The following PDLIM5 variants were observed in gnomAD, a reference collection of about 807,000 sequenced individuals.
PDLIM5 encodes PDZ and LIM domain 5.
PDLIM5 carries 34 observed loss-of-function variants against 64.2 expected under a neutral mutation model. The ratio of observed to expected loss-of-function variants is 0.53; its 90% confidence interval spans 0.40 to 0.71. PDLIM5 has a LOEUF of 0.71. Ranked by LOEUF, PDLIM5 falls within the 30% of genes least tolerant of loss-of-function variation. PDLIM5 has a pLI of 0.00. For missense variants in PDLIM5, 683 were observed against 733.6 expected (o/e 0.93, Z 0.80); for synonymous variants, 253 against 269.1 (o/e 0.94, Z 0.59).
intron 7 of PDLIM5, among the ~76,000 whole-genome samples, chr4:94,599,935 A>G (rs66542996): frequency 0.22 from 32,745 of 152,172 alleles, 4,501 homozygotes; most frequent in Non-Finnish European, 0.32. Flanking sequence ...TAAAGAAGGT[A>G]TAGTAAAACA....
chr4:94,567,904 A>C (rs764608885), intron 3 of PDLIM5, among the ~76,000 whole-genome samples: 1 of 152,214 alleles, frequency 6.6e-6, no homozygotes, highest in African/African-American at 2.4e-5. Context: ...ATGGAAGTTC[A>C]GATGGATCAC....
chr4:94,647,618 A>G (rs1271077855), intron 9 of PDLIM5, among the ~76,000 whole-genome samples: 5 of 152,200 alleles, frequency 3.3e-5, no homozygotes, highest in African/African-American at 9.6e-5. Context: ...AAAAAGAACT[A>G]GAAAACTTGA....
intron 3 of PDLIM5, among the ~76,000 whole-genome samples, chr4:94,571,703 A>G (rs1468797465): frequency 6.6e-6 from 1 of 152,196 alleles, no homozygotes; most frequent in Non-Finnish European, 1.5e-5. Flanking sequence ...GTTTTTATGT[A>G]ATCTATGACA....
rs1743033677 is a variant in PDLIM5, at chr4:94,665,501, A to G, written c.*1434A>G. ...GCTCTTAAAAAAAAAAAAAAAAAAA[A>G]AAAAAGAGAGAGAGAGAATAAATAG... On this transcript the variant is annotated 3_prime_UTR_variant, in exon 13 of 13. Coordinates refer to ENST00000317968, the MANE Select transcript of PDLIM5 (RefSeq NM_006457.5). 2.5e-6 allele frequency: 2 copies of G among 789,038 alleles called. No individual in the cohort carries two copies. Among genetic ancestry groups the G allele is most frequent in the South Asian group, 5.3e-5 (1 of 18,850 alleles). 48.9% of individuals were successfully genotyped at this position (789,038 alleles called of 1,614,324 possible).
At chr4:94,586,993 A>G (rs1403884374) in intron 7 of PDLIM5, 15 of 1,587,482 alleles carry the variant, frequency 9.4e-6, no homozygotes, top group Non-Finnish European at 1.3e-5. Context: ...CCACAGGGAA[A>G]AGATACCCCT....
At chr4:94,548,866 C>A (rs567626090) in intron 3 of PDLIM5, among the ~76,000 whole-genome samples, 2 of 152,176 alleles carry the variant, frequency 1.3e-5, no homozygotes, top group East Asian at 1.9e-4. Context: ...GTCTCAATTT[C>A]TTCCTTATAT....
chr4:94,456,902 T>C, intron 2 of PDLIM5: 5 of 1,048,938 alleles, frequency 4.8e-6, no homozygotes, highest in Non-Finnish European at 5.8e-6. Context: ...ATTCCCATTG[T>C]ATATAACTGT....
At chr4:94,592,924 T>C in intron 7 of PDLIM5, among the ~76,000 whole-genome samples, 1 of 152,128 alleles carries the variant, frequency 6.6e-6, no homozygotes, top group East Asian at 1.9e-4. Context: ...GATTTTCTTA[T>C]TCCTTCCCAC....
chr4:94,454,237 A>G (rs1723121161), intron 1 of PDLIM5, among the ~76,000 whole-genome samples: 1 of 151,582 alleles, frequency 6.6e-6, no homozygotes, highest in African/African-American at 2.4e-5. Flanking sequence ...AAAGAGAGAG[A>G]ATTATTGTTT....
chr4:94,499,727 C>T (rs1727741327), intron 2 of PDLIM5, among the ~76,000 whole-genome samples: 1 of 152,162 alleles, frequency 6.6e-6, no homozygotes, highest in African/African-American at 2.4e-5. Flanking sequence ...AGGTGAGTGG[C>T]AGGTGAGTGA....
intron 8 of PDLIM5, among the ~76,000 whole-genome samples, chr4:94,632,727 A>G (rs1740254545): frequency 1.3e-5 from 2 of 152,214 alleles, no homozygotes; most frequent in East Asian, 1.9e-4. Context: ...TCAAAAGTGG[A>G]AGAGCAGGGA....
chr4:94,625,977 A>G lies in PDLIM5; in HGVS notation c.1108+7786A>G, dbSNP rs112148210. On this transcript the variant is annotated intron_variant, in intron 8 of 12. Coordinates refer to ENST00000317968, the MANE Select transcript of PDLIM5 (RefSeq NM_006457.5). ...AAAGTTTATGATTCTTTTTTAGAATATAAGTTGTTTTGTGTTTTGAAGAAG... is the reference window on the plus strand; with the variant it reads ...AAAGTTTATGATTCTTTTTTAGAATGTAAGTTGTTTTGTGTTTTGAAGAAG... 1.5e-3 allele frequency among the ~76,000 whole-genome samples: 225 copies of G among 152,338 alleles called. 2 individuals are homozygous for G. Among genetic ancestry groups the G allele is most frequent in the Non-Finnish European group, 1.4e-3 (96 of 68,028 alleles).
chr4:94,634,380 GCT>G (rs1740394005), intron 8 of PDLIM5, among the ~76,000 whole-genome samples: 1 of 152,060 alleles, frequency 6.6e-6, no homozygotes, highest in South Asian at 2.1e-4. Flanking sequence ...CACCAAACTT[GCT>G]CTCCTGCTGA....
intron 5 of PDLIM5, 119 bp downstream of exon 5, chr4:94,576,153 A>C (rs748579424): frequency 4.2e-5 from 33 of 787,314 alleles, no homozygotes; most frequent in Non-Finnish European, 6.6e-5. Context: ...GAGATGAAGT[A>C]TTATTTGCCT....
chr4:94,647,565 C>G lies in PDLIM5; in HGVS notation c.1284-6895C>G, dbSNP rs1741514315. Among the ~76,000 whole-genome samples the G allele has an allele frequency of 2.0e-5, 3 of 152,186 alleles. No homozygotes were observed. The Middle Eastern group carries it at 0.01, about 521-fold the overall frequency. On this transcript the variant is annotated intron_variant, in intron 9 of 12. Transcript: ENST00000317968. The stretch of plus-strand genomic sequence containing the variant: ...AATAATAGTTGGAAACTTCAACACT[C>G]CATATTAATTAATAGATATAATTGA...
rs548620255 is a variant in PDLIM5 at position 94,502,710 on chromosome 4, C to G, written c.97-21014C>G. Among the ~76,000 whole-genome samples the G allele has an allele frequency of 1.6e-4, 25 of 152,132 alleles. No individual in the cohort carries two copies. The East Asian group carries it at 4.1e-3, about 25-fold the overall frequency. On this transcript the variant is annotated intron_variant, in intron 2 of 12. Coordinates refer to ENST00000317968, the MANE Select transcript of PDLIM5 (RefSeq NM_006457.5). The stretch of plus-strand genomic sequence containing the variant: ...TGACCAGCATGGTGAAACCCCATCT[C>G]TACTAAAAATACAAAAATTAGCCGG...
chr4:94,460,386 A>C (rs935418937), intron 2 of PDLIM5, among the ~76,000 whole-genome samples: 1 of 152,208 alleles, frequency 6.6e-6, no homozygotes, highest in African/African-American at 2.4e-5. Flanking sequence ...CATTTTGAAA[A>C]GTTATTCAGA....
intron 2 of PDLIM5, among the ~76,000 whole-genome samples, chr4:94,523,278 C>A (rs949532260): frequency 2.0e-5 from 3 of 152,220 alleles, no homozygotes; most frequent in Non-Finnish European, 4.4e-5. Flanking sequence ...GATCTTCCCT[C>A]TCTGTTCCTC....
At chr4:94,575,525 T>C in intron 4 of PDLIM5, 91 bp from the exon 5 acceptor site, 1 of 905,468 alleles carries the variant, frequency 1.1e-6, no homozygotes, top group Non-Finnish European at 1.7e-6. Context: ...GTGTTTGTCT[T>C]TTAAAAAATC....
Sources: gnomAD v4.1 joint callset for allele counts (sites outside exome capture counted in the v4.1 genomes callset) on GRCh38, gnomAD v4.1.1 for gene constraint, MANE v1.5 for transcripts, NCBI Gene and HGNC (gene_info 2026-07-23, HGNC 2026-07-21) for gene names.